Variants in ARHGAP31 observed in about 807,000 individuals in gnomAD.
The protein encoded by ARHGAP31 is rho GTPase-activating protein 31.
In ARHGAP31, 34 loss-of-function variants were observed where a neutral mutation model predicts 113.9. The observed-to-expected ratio is 0.30, with a 90% CI of 0.23 to 0.40. The LOEUF (loss-of-function observed/expected upper bound fraction) is 0.40, where lower values mean the gene tolerates loss of function less well. ARHGAP31 is among the 10% of genes least tolerant of loss of function. The pLI is 1.00. For missense variants in ARHGAP31, 1,548 were observed against 1,767.1 expected (o/e 0.88, Z 2.22); for synonymous variants, 650 against 684.8 (o/e 0.95, Z 0.79).
At chr3:119,368,930 T>C (rs1006003868) in intron 3 of ARHGAP31, among the ~76,000 whole-genome samples, 5 of 151,968 alleles carry the variant, frequency 3.3e-5, no homozygotes, top group East Asian at 1.9e-4. Flanking sequence ...CTTTTGTAGG[T>C]TGGGTAAAGA....
Position 119,294,573 on chromosome 3 carries a change from G to A in ARHGAP31, c.-332G>A. On this transcript the variant is annotated 5_prime_UTR_variant, in exon 1 of 12. Coordinates refer to ENST00000264245, the MANE Select transcript of ARHGAP31 (RefSeq NM_020754.4). ...GAGAGCTTGCCCTCCCTCTTAAGCT[G>A]AGGAGAAACACCCGAAGACACCGCA... The A allele has an allele frequency of 2.0e-6, 1 of 508,924 alleles. No homozygotes were observed. The highest frequency in any genetic ancestry group is 3.4e-6 in the Non-Finnish European group (1 of 294,822). The allele number at this position is 508,924 out of a possible 1,614,324, so 31.5% of individuals were successfully genotyped here. A position where few individuals can be genotyped will look rare whatever the true frequency, so the allele number is the denominator to read the frequency against.
intron 1 of ARHGAP31, among the ~76,000 whole-genome samples, chr3:119,317,578 C>T (rs1328426511): frequency 6.6e-6 from 1 of 152,130 alleles, no homozygotes; most frequent in African/African-American, 2.4e-5. Context: ...GTTCTCAGCC[C>T]TCCTGCCACT....
At chr3:119,394,812 C>T (rs1473844025) in intron 8 of ARHGAP31, among the ~76,000 whole-genome samples, 1 of 151,802 alleles carries the variant, frequency 6.6e-6, no homozygotes, top group Non-Finnish European at 1.5e-5. Context: ...TAAGAAAAAA[C>T]AACAAAAGAC....
intron 1 of ARHGAP31, among the ~76,000 whole-genome samples, chr3:119,317,889 T>C (rs2079748041): frequency 6.6e-6 from 1 of 152,196 alleles, no homozygotes; most frequent in African/African-American, 2.4e-5. Context: ...TTTGCTTTGA[T>C]AGGCCTAAAA....
chr3:119,388,239 A>T (rs1164368752), intron 6 of ARHGAP31, among the ~76,000 whole-genome samples: 8 of 148,962 alleles, frequency 5.4e-5, no homozygotes, highest in African/African-American at 2.0e-4. Context: ...TATTTTTTTT[A>T]TATATTTGCT....
In ARHGAP31 at chr3:119,402,359, CAGA is replaced by C. The variant is rs747306757; in HGVS notation, c.1614_1616del (p.Glu539del). Reference sequence around the variant, plus strand: ...CATGGATCAGAGAGCGGAGGCTGGCCAGAAGAAGAGAAACCGCTGGGAGCTGAG... The same window carrying C: ...CATGGATCAGAGAGCGGAGGCTGGCCAGAAGAGAAACCGCTGGGAGCTGAG... On this transcript the variant is annotated inframe_deletion, in exon 10 of 12. Transcript: ENST00000264245. The C allele has an allele frequency of 3.5e-5, 57 of 1,613,706 alleles. No individual in the cohort carries two copies. The highest frequency in any genetic ancestry group is 2.5e-4 in the South Asian group (23 of 91,088).
intron 1 of ARHGAP31, among the ~76,000 whole-genome samples, chr3:119,306,327 G>A (rs1282191423): frequency 5.3e-5 from 8 of 152,118 alleles, no homozygotes; most frequent in Non-Finnish European, 1.2e-4. Context: ...GGTTAGGTGG[G>A]TGGATCACTT....
Position 119,409,550 on chromosome 3 carries a change from C to T in ARHGAP31, c.1700C>T (p.Pro567Leu), listed in dbSNP as rs61744178. The T allele has an allele frequency of 3.8e-3, 6,082 of 1,614,166 alleles. 161 individuals are homozygous for T. The African/African-American group carries it at 0.065, about 17-fold the overall frequency. Residue 567 changes from proline to leucine, a missense_variant, in exon 11 of 12, where the codon CCG (proline) becomes CTG (leucine). Transcript: ENST00000264245. ...LEDAKAVPEA[P>L]GTVECSKGLS... ...GATGCCAAGGCAGTACCTGAAGCACCGGGGACAGTGGAATGCAGCAAAGGC... is the reference window on the plus strand; with the variant it reads ...GATGCCAAGGCAGTACCTGAAGCACTGGGGACAGTGGAATGCAGCAAAGGC...
intron 3 of ARHGAP31, 139 bp downstream of exon 3, chr3:119,368,655 A>G: frequency 8.9e-7 from 1 of 1,129,094 alleles, no homozygotes. Flanking sequence ...GTAGGATAAT[A>G]TGGTAAGGAA....
chr3:119,377,238 C>T (rs2080357466), intron 3 of ARHGAP31, among the ~76,000 whole-genome samples: 1 of 152,140 alleles, frequency 6.6e-6, no homozygotes, highest in Non-Finnish European at 1.5e-5. Context: ...GTGAAATTTA[C>T]ATTTTAATGG....
chr3:119,391,274 A>T (rs2080501840), intron 7 of ARHGAP31, among the ~76,000 whole-genome samples: 1 of 152,142 alleles, frequency 6.6e-6, no homozygotes, highest in Non-Finnish European at 1.5e-5. Context: ...TCATGACTGA[A>T]ATTCCTGTCT....
At chr3:119,338,205 C>T (rs190318683) in intron 1 of ARHGAP31, among the ~76,000 whole-genome samples, 1 of 152,186 alleles carries the variant, frequency 6.6e-6, no homozygotes, top group Admixed American at 6.5e-5. Flanking sequence ...TGGAGAACTC[C>T]TACTCATAGT....
intron 1 of ARHGAP31, among the ~76,000 whole-genome samples, chr3:119,345,743 G>A (rs1186866265): frequency 1.3e-5 from 2 of 152,106 alleles, no homozygotes; most frequent in African/African-American, 2.4e-5. Flanking sequence ...ACCTGGACAG[G>A]GACCCCTTTC....
intron 7 of ARHGAP31, among the ~76,000 whole-genome samples, chr3:119,391,922 A>G (rs2080508409): frequency 6.6e-6 from 1 of 151,934 alleles, no homozygotes; most frequent in Non-Finnish European, 1.5e-5. Context: ...TCCTTTCCCT[A>G]AGTCCCTGGA....
intron 1 of ARHGAP31, among the ~76,000 whole-genome samples, chr3:119,360,450 T>G (rs1018043550): frequency 2.6e-5 from 4 of 152,184 alleles, no homozygotes; most frequent in Non-Finnish European, 5.9e-5. Flanking sequence ...CAAATACAAC[T>G]GTGCTTCTTT....
intron 1 of ARHGAP31, among the ~76,000 whole-genome samples, chr3:119,300,627 G>A (rs2079573071): frequency 6.6e-6 from 1 of 151,924 alleles, no homozygotes. Flanking sequence ...TCAGACGTTC[G>A]AGACCAGCCT....
chr3:119,337,009 A>C (rs1291871329), intron 1 of ARHGAP31, among the ~76,000 whole-genome samples: 1 of 152,210 alleles, frequency 6.6e-6, no homozygotes, highest in Non-Finnish European at 1.5e-5. Flanking sequence ...ATTACCTAAT[A>C]ATATTCTATT....
intron 1 of ARHGAP31, among the ~76,000 whole-genome samples, chr3:119,364,357 T>G (rs1298553909): frequency 6.6e-6 from 1 of 152,214 alleles, no homozygotes; most frequent in Non-Finnish European, 1.5e-5. Flanking sequence ...TTTTTTTAAA[T>G]CTAAACTGAA....
In ARHGAP31 at chr3:119,407,390, G is replaced by GA. The variant is rs1471922822; in HGVS notation, c.1646-2097dup. ...AAGAAAAAAAAAATAAAGAAAAAAA[G>GA]AAAAAAAAATGACTGATCTCCCTCT... On this transcript the variant is annotated intron_variant, in intron 10 of 11. Transcript: ENST00000264245. Among the ~76,000 whole-genome samples, 23 of 147,642 alleles carry GA rather than the reference G, an allele frequency of 1.6e-4. No homozygotes were observed. The East Asian group carries it at 1.8e-3, about 11-fold the overall frequency.
Sources: gnomAD v4.1 joint callset for allele counts (sites outside exome capture counted in the v4.1 genomes callset) on GRCh38, gnomAD v4.1.1 for gene constraint, MANE v1.5 for transcripts, NCBI Gene and HGNC (gene_info 2026-07-23, HGNC 2026-07-21) for gene names.